PTCHD4: variants seen among roughly 807,000 people sequenced by gnomAD.
The protein encoded by PTCHD4 is patched domain-containing protein 4.
A neutral mutation model predicts 58.1 loss-of-function variants in PTCHD4; 33 were observed. That is an observed-to-expected ratio of 0.57 (90% CI 0.43 to 0.76). The LOEUF (loss-of-function observed/expected upper bound fraction) is 0.76, where lower values mean the gene tolerates loss of function less well. Ranked by LOEUF, PTCHD4 falls within the 30% of genes least tolerant of loss-of-function variation. PTCHD4 has a pLI of 0.00. For synonymous variants in PTCHD4, 478 were observed against 409.6 expected (o/e 1.17, Z -2.02); for missense variants, 1,058 against 1,027.1 (o/e 1.03, Z -0.41).
chr6:47,933,149 C>G (rs1185182712), intron 4 of PTCHD4, among the ~76,000 whole-genome samples: 1 of 152,130 alleles, frequency 6.6e-6, no homozygotes, highest in East Asian at 1.9e-4. Context: ...GAACCATATG[C>G]TCTGATAATC....
chr6:48,093,199 TTA>T (rs1446280629), intron 1 of PTCHD4, among the ~76,000 whole-genome samples: 1 of 152,140 alleles, frequency 6.6e-6, no homozygotes, highest in African/African-American at 2.4e-5. Context: ...AGTCACAGAT[TTA>T]TAGAGACTTG....
chr6:47,871,142 G>C lies in PTCHD4; in HGVS notation c.*7161C>G, dbSNP rs1295417796. Among the ~76,000 whole-genome samples the C allele has an allele frequency of 6.6e-6, 1 of 151,536 alleles. No individual in the cohort carries two copies. Among genetic ancestry groups the C allele is most frequent in the African/African-American group, 2.4e-5 (1 of 41,358 alleles). The stretch of plus-strand genomic sequence containing the variant: ...ACTTTTACTCTCATTTCTACAATTT[G>C]TCTATGCATGGGTGAAGACTGTTTC... On this transcript the variant is annotated 3_prime_UTR_variant, in exon 5 of 5. Transcript: ENST00000339488.
chr6:47,904,952 C>T (rs536003067), intron 4 of PTCHD4, among the ~76,000 whole-genome samples: 5 of 151,232 alleles, frequency 3.3e-5, no homozygotes, highest in Middle Eastern at 3.4e-3. Flanking sequence ...GTGGTGAAAA[C>T]ATGGGGAAGA....
chr6:48,055,074 T>C lies in PTCHD4; in HGVS notation c.417+13156A>G, dbSNP rs1764361458. On this transcript the variant is annotated intron_variant, in intron 3 of 4. Transcript: ENST00000339488. ...TTCATAGATTTGTCTATTTCCTATGTGTTACCCACTTCATCATTATGTAAA... is the reference window on the plus strand; with the variant it reads ...TTCATAGATTTGTCTATTTCCTATGCGTTACCCACTTCATCATTATGTAAA... Among the ~76,000 whole-genome samples, 5 of 152,180 alleles carry C rather than the reference T, an allele frequency of 3.3e-5. No homozygotes were observed. The South Asian group carries it at 1.0e-3, about 31-fold the overall frequency.
At chr6:48,052,079 A>C (rs1255454391) in intron 3 of PTCHD4, among the ~76,000 whole-genome samples, 1 of 152,058 alleles carries the variant, frequency 6.6e-6, no homozygotes, top group Non-Finnish European at 1.5e-5. Context: ...CACAGAATAC[A>C]TCTCTTTTGA....
intron 1 of PTCHD4, among the ~76,000 whole-genome samples, chr6:48,098,363 G>A (rs1765522382): frequency 9.0e-6 from 1 of 111,064 alleles, no homozygotes; most frequent in African/African-American, 3.5e-5. Flanking sequence ...TTTTGAGAGA[G>A]AGTCTCGCTC....
intron 4 of PTCHD4, among the ~76,000 whole-genome samples, chr6:47,927,495 G>A (rs376045343): frequency 1.3e-5 from 2 of 152,088 alleles, no homozygotes; most frequent in South Asian, 4.1e-4. Context: ...TGAAGAATGG[G>A]ACAAAACAAT....
At chr6:47,898,601 T>A (rs2114141347) in intron 4 of PTCHD4, among the ~76,000 whole-genome samples, 1 of 152,312 alleles carries the variant, frequency 6.6e-6, no homozygotes, top group East Asian at 1.9e-4. Flanking sequence ...AGGATTCTTG[T>A]AAATAAAGTA....
In PTCHD4 at chr6:47,998,607, C is replaced by A. The variant is rs543915510; in HGVS notation, c.898+10027G>T. 3.3e-5 allele frequency among the ~76,000 whole-genome samples: 5 copies of A among 152,252 alleles called. No individual in the cohort carries two copies. In the East Asian group the frequency reaches 7.7e-4, roughly 24 times the overall value. On this transcript the variant is annotated intron_variant, in intron 4 of 4. Coordinates refer to ENST00000339488, the MANE Select transcript of PTCHD4 (RefSeq NM_001384253.1). ...GGTGGATTCCAAAGAAGATGTAGAA[C>A]CTTAAGGAGTCAGGAAAATTACTAG... is the stretch of plus-strand genomic sequence containing the variant.
rs111425811 is a variant in PTCHD4 at position 47,929,775 on chromosome 6, C to T, written c.899-49839G>A. On this transcript the variant is annotated intron_variant, in intron 4 of 4. Coordinates refer to ENST00000339488, the MANE Select transcript of PTCHD4 (RefSeq NM_001384253.1). ...AGTCTGTGTGCCAACACAAGCCATC[C>T]TGACCATCCTGCTTACTGCCAGGTA... Among the ~76,000 whole-genome samples the T allele has an allele frequency of 4.2e-3, 643 of 152,322 alleles. 4 individuals are homozygous for T. The highest frequency in any genetic ancestry group is 0.014 in the African/African-American group (588 of 41,566).
rs763230943 is a variant in PTCHD4 at position 47,858,842 on chromosome 6, A to G, written c.*19461T>C. On this transcript the variant is annotated 3_prime_UTR_variant, in exon 5 of 5. Transcript: ENST00000339488. ...AGCAAATGTCACATTTGTACAGAATATGCTTCCTATAATCCTTCTTGAATC... is the reference window on the plus strand; with the variant it reads ...AGCAAATGTCACATTTGTACAGAATGTGCTTCCTATAATCCTTCTTGAATC... Among the ~76,000 whole-genome samples, 1 of 152,062 alleles carries G rather than the reference A, an allele frequency of 6.6e-6. No homozygotes were observed. Among genetic ancestry groups the G allele is most frequent in the Non-Finnish European group, 1.5e-5 (1 of 67,974 alleles).
At chr6:48,105,349 A>G (rs1730275221) in intron 1 of PTCHD4, among the ~76,000 whole-genome samples, 4 of 148,064 alleles carry the variant, frequency 2.7e-5, no homozygotes. Flanking sequence ...CTCCTGAATG[A>G]CTACTGGGTA....
In PTCHD4 at chr6:47,870,134, A is replaced by T. The variant is rs1763676260; in HGVS notation, c.*8169T>A. Among the ~76,000 whole-genome samples the T allele has an allele frequency of 6.6e-6, 1 of 151,728 alleles. No individual in the cohort carries two copies. The highest frequency in any genetic ancestry group is 2.4e-5 in the African/African-American group (1 of 41,378). ...GAACTAGATTTCTTTTGTTGTTAAA[A>T]TAAAAAGTTGAGATAGCCAGAAATG... On this transcript the variant is annotated 3_prime_UTR_variant, in exon 5 of 5. Coordinates refer to ENST00000339488, the MANE Select transcript of PTCHD4 (RefSeq NM_001384253.1).
chr6:48,022,157 T>TTCTA (rs1763093193), intron 3 of PTCHD4, among the ~76,000 whole-genome samples: 2 of 151,872 alleles, frequency 1.3e-5, no homozygotes, highest in Admixed American at 1.3e-4. Flanking sequence ...CTCTTCCTTG[T>TTCTA]TCTATCTCCT....
At chr6:47,933,734 C>T (rs568292585) in intron 4 of PTCHD4, among the ~76,000 whole-genome samples, 3 of 152,074 alleles carry the variant, frequency 2.0e-5, no homozygotes, top group East Asian at 3.9e-4. Context: ...TTTATTGAGG[C>T]CAATCTTCAT....
At chr6:47,973,700 T>C (rs1443075590) in intron 4 of PTCHD4, among the ~76,000 whole-genome samples, 1 of 152,216 alleles carries the variant, frequency 6.6e-6, no homozygotes, top group African/African-American at 2.4e-5. Flanking sequence ...TAACCACTAC[T>C]AGTGGTTAAC....
chr6:47,901,872 T>C, intron 4 of PTCHD4: 3 of 1,303,428 alleles, frequency 2.3e-6, no homozygotes, highest in Non-Finnish European at 3.0e-6. Context: ...CTCTCCTTCC[T>C]TCTCTCCTTT....
At position 48,097,494 on chromosome 6, in the gene PTCHD4, AT is replaced by A. The variant is rs530877267; in HGVS notation, c.-970+13554del. Among the ~76,000 whole-genome samples the A allele has an allele frequency of 3.9e-5, 6 of 151,982 alleles. No individual in the cohort carries two copies. In the South Asian group the frequency reaches 6.2e-4, roughly 16 times the overall value. On this transcript the variant is annotated intron_variant, in intron 1 of 4. Transcript: ENST00000339488. ...CTAAAGAATTCCAAGTAGCATGCTCATTTTTTTTACAATTAATAAATCACTA... is the reference window on the plus strand; with the variant it reads ...CTAAAGAATTCCAAGTAGCATGCTCATTTTTTTACAATTAATAAATCACTA...
rs975085110 is a variant in PTCHD4, at chr6:47,873,431, C to T, written c.*4872G>A. Among the ~76,000 whole-genome samples the T allele has an allele frequency of 1.3e-5, 2 of 151,532 alleles. No homozygotes were observed. The highest frequency in any genetic ancestry group is 4.8e-5 in the African/African-American group (2 of 41,338). On this transcript the variant is annotated 3_prime_UTR_variant, in exon 5 of 5. Transcript: ENST00000339488. ...CCACAACACTTCAAACACAGAACAC[C>T]ACCTCTTGTGCTCCTAAGTTAAACG...
Sources: gnomAD v4.1 joint callset for allele counts (sites outside exome capture counted in the v4.1 genomes callset) on GRCh38, gnomAD v4.1.1 for gene constraint, MANE v1.5 for transcripts, NCBI Gene and HGNC (gene_info 2026-07-23, HGNC 2026-07-21) for gene names.